ASAH2: variants seen among roughly 807,000 people sequenced by gnomAD.
ASAH2 encodes the protein N-acylsphingosine amidohydrolase 2.
ASAH2 carries 58 observed loss-of-function variants against 82.9 expected under a neutral mutation model. The observed-to-expected ratio is 0.70, with a 90% CI of 0.57 to 0.87. The LOEUF is 0.87. Ranked by LOEUF, ASAH2 falls within the 40% of genes least tolerant of loss-of-function variation. The pLI is 0.00. For missense variants in ASAH2, 779 were observed against 834.0 expected (o/e 0.93, Z 0.81); for synonymous variants, 276 against 289.7 (o/e 0.95, Z 0.48).
intron 6 of ASAH2, 89 bp downstream of exon 6, chr10:50,234,336 A>G (rs1589350850): frequency 6.4e-7 from 1 of 1,568,000 alleles, no homozygotes; most frequent in Non-Finnish European, 8.8e-7. Flanking sequence ...GGACCTCACC[A>G]TATTCATCAA....
chr10:50,189,098 G>A (rs1175087534), intron 20 of ASAH2, among the ~76,000 whole-genome samples: 1 of 146,370 alleles, frequency 6.8e-6, no homozygotes, highest in Admixed American at 6.6e-5. Context: ...TGCAATACAT[G>A]TCAGGTATAG....
chr10:50,206,191 A>G, intron 12 of ASAH2, 94 bp from the exon 13 acceptor site: 1 of 935,594 alleles, frequency 1.1e-6, no homozygotes, highest in African/African-American at 1.6e-5. Flanking sequence ...TCTTTTAAGG[A>G]GTTTCAGAGA....
At chr10:50,235,249 T>G (rs1704917829) in intron 5 of ASAH2, among the ~76,000 whole-genome samples, 1 of 151,998 alleles carries the variant, frequency 6.6e-6, no homozygotes, top group African/African-American at 2.4e-5. Flanking sequence ...ATCTCTGAAT[T>G]TTGGGGGTGA....
At chr10:50,228,243 G>A (rs1449739236) in intron 7 of ASAH2, among the ~76,000 whole-genome samples, 1 of 152,066 alleles carries the variant, frequency 6.6e-6, no homozygotes, top group African/African-American at 2.4e-5. Flanking sequence ...GATAGAGAAG[G>A]CATTTAGGAA....
intron 12 of ASAH2, among the ~76,000 whole-genome samples, chr10:50,210,435 G>T (rs1020393048): frequency 1.3e-5 from 2 of 152,076 alleles, no homozygotes; most frequent in Admixed American, 1.3e-4. Flanking sequence ...GACAGGTGGA[G>T]GTTGCAGTAA....
intron 4 of ASAH2, among the ~76,000 whole-genome samples, chr10:50,238,919 A>G (rs904639824): frequency 0.34 from 51,096 of 151,764 alleles, 10,478 homozygotes; most frequent in Non-Finnish European, 0.45. Context: ...GCGGGGAGAA[A>G]AAAGAAATAC....
At chr10:50,217,704 T>C (rs1845642486) in intron 8 of ASAH2, among the ~76,000 whole-genome samples, 4 of 152,206 alleles carry the variant, frequency 2.6e-5, no homozygotes, top group Admixed American at 1.3e-4. Flanking sequence ...GTCTCAGTTA[T>C]TCTGCTAACA....
At chr10:50,209,150 C>G (rs1240462602) in intron 12 of ASAH2, among the ~76,000 whole-genome samples, 4 of 151,884 alleles carry the variant, frequency 2.6e-5, no homozygotes, top group Non-Finnish European at 5.9e-5. Context: ...AAAATGGATC[C>G]AAGACTTAAA....
At chr10:50,221,139 G>A (rs1013458109) in intron 7 of ASAH2, among the ~76,000 whole-genome samples, 2 of 152,114 alleles carry the variant, frequency 1.3e-5, no homozygotes, top group African/African-American at 2.4e-5. Flanking sequence ...TCATCCCCTC[G>A]CAGTTATTTG....
At chr10:50,248,058 C>T (rs1003443798) in intron 2 of ASAH2, among the ~76,000 whole-genome samples, 3 of 152,180 alleles carry the variant, frequency 2.0e-5, no homozygotes, top group Admixed American at 6.5e-5. Context: ...ACGTTTGAGA[C>T]CCCTTTCTCT....
intron 3 of ASAH2, 77 bp downstream of exon 3, chr10:50,245,145 T>C: frequency 8.3e-7 from 1 of 1,209,074 alleles, no homozygotes; most frequent in South Asian, 1.3e-5. Context: ...GTTGTAATAA[T>C]CAGAAATGAA....
intron 7 of ASAH2, among the ~76,000 whole-genome samples, chr10:50,223,275 T>C (rs1486530512): frequency 6.6e-6 from 1 of 152,184 alleles, no homozygotes; most frequent in Non-Finnish European, 1.5e-5. Flanking sequence ...ACATTGCATG[T>C]GCCCTACTCT....
Position 50,243,357 on chromosome 10 carries a change from G to C in ASAH2, c.361-6C>G. 6.2e-7 allele frequency: 1 copy of C among 1,613,916 alleles called. No individual in the cohort carries two copies. The highest frequency in any genetic ancestry group is 8.5e-7 in the Non-Finnish European group (1 of 1,179,868). On this transcript the variant is annotated splice_polypyrimidine_tract_variant and splice_region_variant and intron_variant, in intron 3 of 20. Coordinates refer to ENST00000682911, the MANE Select transcript of ASAH2 (RefSeq NM_019893.4). ...CCGGATTTGCCATAGCCCATCTAAA[G>C]AGGAAGAGACAATCAGAGCTGCTCT...
chr10:50,239,243 T>C (rs1420055970), intron 4 of ASAH2, among the ~76,000 whole-genome samples: 1 of 152,242 alleles, frequency 6.6e-6, no homozygotes, highest in East Asian at 1.9e-4. Context: ...GCAGGTGTTA[T>C]AAATAATATT....
intron 7 of ASAH2, among the ~76,000 whole-genome samples, chr10:50,225,149 C>T (rs1204605172): frequency 4.6e-5 from 7 of 152,186 alleles, no homozygotes; most frequent in African/African-American, 1.7e-4. Flanking sequence ...CATTAAGTTA[C>T]AGCAGTCAAA....
chr10:50,239,632 GA>G lies in ASAH2; in HGVS notation c.510+3569del, dbSNP rs1455406500. Among the ~76,000 whole-genome samples, 100 of 152,112 alleles carry G rather than the reference GA, an allele frequency of 6.6e-4. 1 individual carries two copies. The highest frequency in any genetic ancestry group is 2.3e-3 in the African/African-American group (94 of 41,498). ...GACAGTTCCTAGCTGTGCAACCTTG[GA>G]TAAGTTACTTGGCCCTCTGCAAACT... On this transcript the variant is annotated intron_variant, in intron 4 of 20. Coordinates refer to ENST00000682911, the MANE Select transcript of ASAH2 (RefSeq NM_019893.4).
chr10:50,223,327 C>A (rs964862935), intron 7 of ASAH2, among the ~76,000 whole-genome samples: 2 of 152,128 alleles, frequency 1.3e-5, no homozygotes, highest in Non-Finnish European at 2.9e-5. Context: ...CAGACCTGGG[C>A]CTCCATGTCC....
At chr10:50,245,706 C>T (rs1846437924) in intron 2 of ASAH2, among the ~76,000 whole-genome samples, 1 of 152,186 alleles carries the variant, frequency 6.6e-6, no homozygotes, top group African/African-American at 2.4e-5. Context: ...ACGAGCCATT[C>T]CTTGTCAAAC....
intron 4 of ASAH2, chr10:50,240,621 C>T: frequency 2.8e-6 from 2 of 701,994 alleles, no homozygotes; most frequent in Non-Finnish European, 5.2e-6. Context: ...CTTCCAGATA[C>T]ATCTCCAACT....
Sources: allele counts gnomAD v4.1 joint callset (sites outside exome capture counted in the v4.1 genomes callset), GRCh38; gene constraint gnomAD v4.1.1; transcripts MANE v1.5; gene names NCBI Gene and HGNC (gene_info 2026-07-23, HGNC 2026-07-21).